Variants in SIPA1L3 observed in about 807,000 individuals in gnomAD.
SIPA1L3 encodes the protein signal-induced proliferation-associated 1-like protein 3.
In SIPA1L3, 59 loss-of-function variants were observed where a neutral mutation model predicts 150.1. That is an observed-to-expected ratio of 0.39 (90% CI 0.32 to 0.49). The LOEUF (loss-of-function observed/expected upper bound fraction) is 0.49. Among genes scored for constraint, SIPA1L3 ranks in the 20% least tolerant of loss-of-function variants. SIPA1L3 has a pLI of 0.86. For synonymous variants in SIPA1L3, 1,070 were observed against 1,077.6 expected (o/e 0.99, Z 0.14); for missense variants, 2,211 against 2,489.5 (o/e 0.89, Z 2.38).
At chr19:38,085,348 T>C (rs187613756) in intron 3 of SIPA1L3, among the ~76,000 whole-genome samples, 1,616 of 151,730 alleles carry the variant, frequency 0.011, 22 homozygotes, top group African/African-American at 0.037. Flanking sequence ...GGCATGGTGG[T>C]GGGCGCCTGT....
chr19:38,120,464 CCT>C (rs1970990696), intron 9 of SIPA1L3, among the ~76,000 whole-genome samples: 1 of 151,620 alleles, frequency 6.6e-6, no homozygotes, highest in Admixed American at 6.6e-5. Flanking sequence ...AGTATGAGAC[CCT>C]GTCTCAAAAA....
rs78802259 is a variant in SIPA1L3, at chr19:37,943,155, G to A, written c.-379+35797G>A. Among the ~76,000 whole-genome samples, 49 of 151,536 alleles carry A rather than the reference G, an allele frequency of 3.2e-4. No individual in the cohort carries two copies. The East Asian group carries it at 5.7e-3, about 18-fold the overall frequency. ...TCCCAAAGTTGCTGGGATTCTAGGC[G>A]TGAGTCACTCTGCCTGGCCAAGAGC... On this transcript the variant is annotated intron_variant, in intron 1 of 21. Coordinates refer to ENST00000222345, the MANE Select transcript of SIPA1L3 (RefSeq NM_015073.3).
At chr19:38,112,538 G>GT (rs1045389744) in intron 8 of SIPA1L3, among the ~76,000 whole-genome samples, 1 of 151,930 alleles carries the variant, frequency 6.6e-6, no homozygotes, top group Non-Finnish European at 1.5e-5. Flanking sequence ...AACCTTTCTT[G>GT]TTTTTTATAA....
intron 4 of SIPA1L3, among the ~76,000 whole-genome samples, chr19:38,089,676 T>C (rs1237998196): frequency 6.6e-6 from 1 of 152,276 alleles, no homozygotes; most frequent in African/African-American, 2.4e-5. Flanking sequence ...TGGTCCTGGC[T>C]GGAAGCCTTC....
At position 38,082,961 on chromosome 19, in the gene SIPA1L3, G is replaced by A. The variant is rs762531358; in HGVS notation, c.1396G>A (p.Ala466Thr). The A allele has an allele frequency of 1.9e-6, 3 of 1,612,998 alleles. No individual in the cohort carries two copies. Among genetic ancestry groups the A allele is most frequent in the Non-Finnish European group, 2.5e-6 (3 of 1,179,864 alleles). ...EGHLAEPALS[A>T]YRTNASISVL... ...CCACCTGGCAGAGCCCGCCCTGAGC[G>A]CCTACCGCACCAACGCCAGCATCTC... is the stretch of plus-strand genomic sequence containing the variant. The change falls in exon 3 of 22, where the codon GCC (alanine) becomes ACC (threonine). Residue 466 changes from alanine to threonine, a missense_variant. Around this residue, in one of 5 missense-constraint regions of SIPA1L3, gnomAD observed 587 missense variants for 534.5 expected, o/e 1.10. Transcript: ENST00000222345.
chr19:38,124,776 G>C (rs1971131780), intron 9 of SIPA1L3, among the ~76,000 whole-genome samples: 1 of 152,204 alleles, frequency 6.6e-6, no homozygotes, highest in Non-Finnish European at 1.5e-5. Flanking sequence ...GAGGCTGGCG[G>C]ATCACTCGCG....
At chr19:38,112,832 C>T (rs947602011) in intron 8 of SIPA1L3, among the ~76,000 whole-genome samples, 1 of 152,096 alleles carries the variant, frequency 6.6e-6, no homozygotes, top group African/African-American at 2.4e-5. Flanking sequence ...GGAGGGAGCC[C>T]GGACACAGCT....
At chr19:38,089,392 G>A (rs1970213666) in intron 4 of SIPA1L3, among the ~76,000 whole-genome samples, 2 of 150,254 alleles carry the variant, frequency 1.3e-5, no homozygotes, top group South Asian at 2.2e-4. Flanking sequence ...TGAACCAGTA[G>A]CCAGACCAAG....
At chr19:37,961,682 G>A (rs2046859718) in intron 1 of SIPA1L3, among the ~76,000 whole-genome samples, 1 of 152,050 alleles carries the variant, frequency 6.6e-6, no homozygotes, top group Non-Finnish European at 1.5e-5. Flanking sequence ...GATGTTTTGG[G>A]CTATTACTTG....
chr19:38,206,241 G>T lies in SIPA1L3; in HGVS notation c.*1G>T. On this transcript the variant is annotated 3_prime_UTR_variant, in exon 22 of 22. Transcript: ENST00000222345. ...CTGCAGGGAGAAGAAGGAGCTCTGA[G>T]GTGGGAGGCCGCCGCCCGCCTTCGC... 1 of 1,549,852 alleles carries T rather than the reference G, an allele frequency of 6.5e-7. No individual in the cohort carries two copies. Among genetic ancestry groups the T allele is most frequent in the Non-Finnish European group, 8.7e-7 (1 of 1,144,346 alleles).
At chr19:38,041,126 A>G (rs1310582393) in intron 2 of SIPA1L3, among the ~76,000 whole-genome samples, 4 of 84,908 alleles carry the variant, frequency 4.7e-5, no homozygotes, top group Non-Finnish European at 7.3e-5. Context: ...TTTTTTTTTG[A>G]GTTGGAGTCT....
At chr19:38,028,083 C>G (rs1348915928) in intron 1 of SIPA1L3, among the ~76,000 whole-genome samples, 2 of 152,152 alleles carry the variant, frequency 1.3e-5, no homozygotes, top group African/African-American at 4.8e-5. Flanking sequence ...TGCCCAGCCT[C>G]TGCCGGTGCC....
intron 7 of SIPA1L3, 113 bp from the exon 8 acceptor site, chr19:38,110,114 T>C: frequency 1.0e-6 from 1 of 992,468 alleles, no homozygotes; most frequent in Admixed American, 2.1e-5. Flanking sequence ...GGGCTGTGTG[T>C]GAGCAGGGAG....
At chr19:38,028,274 C>G in intron 1 of SIPA1L3, among the ~76,000 whole-genome samples, 1 of 152,178 alleles carries the variant, frequency 6.6e-6, no homozygotes, top group Non-Finnish European at 1.5e-5. Flanking sequence ...TCACAGTTGT[C>G]TGAGGAAATG....
At chr19:37,973,926 G>A (rs1967010302) in intron 1 of SIPA1L3, among the ~76,000 whole-genome samples, 1 of 152,178 alleles carries the variant, frequency 6.6e-6, no homozygotes, top group Non-Finnish European at 1.5e-5. Context: ...CAAGGCAGAA[G>A]AGGGATTGAT....
intron 1 of SIPA1L3, among the ~76,000 whole-genome samples, chr19:37,921,293 C>T (rs971394170): frequency 7.2e-5 from 11 of 152,208 alleles, no homozygotes; most frequent in African/African-American, 2.4e-4. Context: ...AACAACAGCA[C>T]ATGAGTATGT....
intron 2 of SIPA1L3, among the ~76,000 whole-genome samples, chr19:38,042,253 G>A (rs1427080584): frequency 6.6e-6 from 1 of 152,114 alleles, no homozygotes; most frequent in Non-Finnish European, 1.5e-5. Flanking sequence ...TTCTTTGAAA[G>A]GCTCAGTTTC....
intron 1 of SIPA1L3, among the ~76,000 whole-genome samples, chr19:37,952,183 G>T (rs1421961950): frequency 6.6e-6 from 1 of 152,092 alleles, no homozygotes; most frequent in Non-Finnish European, 1.5e-5. Flanking sequence ...TTTGCTCAGA[G>T]GGTCGAGTGG....
At position 38,204,142 on chromosome 19, in the gene SIPA1L3, G is replaced by C. The variant is rs148414429; in HGVS notation, c.5136G>C (p.Leu1712=). The C allele has an allele frequency of 5.5e-4, 863 of 1,558,950 alleles. 1 individual carries two copies. Among genetic ancestry groups the C allele is most frequent in the Non-Finnish European group, 7.2e-4 (829 of 1,150,580 alleles). Residue 1712 remains leucine (L), a synonymous_variant, in exon 21 of 22, where the codon CTG becomes CTC. Coordinates refer to ENST00000222345, the MANE Select transcript of SIPA1L3 (RefSeq NM_015073.3). ...TTPTMSEEPP[L]DLTGKVYQLE... ...GTTTTTCCAGCGAGGAGCCACCCCT[G>C]GATCTGACAGGCAAGGTGTACCAGC...
Sources: allele counts gnomAD v4.1 joint callset (sites outside exome capture counted in the v4.1 genomes callset), GRCh38; gene constraint gnomAD v4.1.1; regional missense constraint gnomAD v4.1.1; transcripts MANE v1.5; gene names NCBI Gene and HGNC (gene_info 2026-07-23, HGNC 2026-07-21).